Variants in SHOC1 observed in about 807,000 individuals in gnomAD.
SHOC1 encodes the protein shortage in chiasmata 1, also known as protein shortage in chiasmata 1 ortholog.
SHOC1 carries 136 observed loss-of-function variants against 179.2 expected under a neutral mutation model. That is an observed-to-expected ratio of 0.76 (90% CI 0.66 to 0.87). The LOEUF (loss-of-function observed/expected upper bound fraction) is 0.87. SHOC1 is among the 40% of genes least tolerant of loss of function. SHOC1 has a pLI of 0.00. For missense variants in SHOC1, 1,538 were observed against 1,700.8 expected, an observed-to-expected ratio of 0.90 and a Z score of 1.68; for synonymous variants, 489 against 586.6, an observed-to-expected ratio of 0.83 and a Z score of 2.41.
rs554245250 is a variant in SHOC1, at chr9:111,722,335, C to G, written c.2131+74G>C. ...TGGCTAATTTCTGAATCTTCTATACCCAATTTTTACTAATTTGATACAATA... is the reference window on the plus strand; with the variant it reads ...TGGCTAATTTCTGAATCTTCTATACGCAATTTTTACTAATTTGATACAATA... On this transcript the variant is annotated intron_variant, in intron 15 of 27. Coordinates refer to ENST00000682961, the MANE Select transcript of SHOC1 (RefSeq NM_001378211.1). The G allele has an allele frequency of 1.1e-5, 15 of 1,400,970 alleles. No individual in the cohort carries two copies. The Admixed American group carries it at 2.2e-4, about 21-fold the overall frequency. The allele number at this position is 1,400,970 out of a possible 1,614,324, so 86.8% of individuals were successfully genotyped here.
intron 5 of SHOC1, among the ~76,000 whole-genome samples, chr9:111,761,643 G>A (rs1359128027): frequency 6.6e-6 from 1 of 152,098 alleles, no homozygotes; most frequent in Non-Finnish European, 1.5e-5. Context: ...GAATTGGTTA[G>A]GTTCAAGTTA....
At chr9:111,709,502 A>G (rs1212289443) in intron 18 of SHOC1, among the ~76,000 whole-genome samples, 2 of 151,762 alleles carry the variant, frequency 1.3e-5, no homozygotes, top group Non-Finnish European at 2.9e-5. Context: ...GCAGAAAAAT[A>G]AAAGCCTTGC....
rs746497536 is a variant in SHOC1 at position 111,727,910 on chromosome 9, G to T, written c.1557C>A (p.Phe519Leu). Residue 519 changes from phenylalanine to leucine, a missense_variant, in exon 13 of 28, where the codon TTC becomes TTA. Transcript: ENST00000682961. Reference protein sequence around the residue: ...VPDLCFSDDYFSDKGAAKEEK... With the variant: ...VPDLCFSDDYLSDKGAAKEEK... Reference sequence around the variant, plus strand: ...CTTCTTTTGCTGCTCCTTTATCAGAGAAATAGTCATCAGAAAAACATAGAT... The same window carrying T: ...CTTCTTTTGCTGCTCCTTTATCAGATAAATAGTCATCAGAAAAACATAGAT... 1 of 1,613,460 alleles carries T rather than the reference G, an allele frequency of 6.2e-7. No homozygotes were observed. Among genetic ancestry groups the T allele is most frequent in the East Asian group, 2.2e-5 (1 of 44,774 alleles).
At chr9:111,733,085 A>G (rs1392831896) in intron 12 of SHOC1, among the ~76,000 whole-genome samples, 6 of 152,102 alleles carry the variant, frequency 3.9e-5, no homozygotes, top group African/African-American at 9.7e-5. Flanking sequence ...TTAATAAACC[A>G]TATCTGTGAG....
At chr9:111,792,944 C>G (rs1432433095) in intron 1 of SHOC1, among the ~76,000 whole-genome samples, 2 of 151,534 alleles carry the variant, frequency 1.3e-5, no homozygotes, top group African/African-American at 4.9e-5. Flanking sequence ...GTGCAGTGGC[C>G]GGATCTCAGC....
chr9:111,713,924 G>T (rs1832665322), intron 17 of SHOC1, among the ~76,000 whole-genome samples: 1 of 152,150 alleles, frequency 6.6e-6, no homozygotes, highest in South Asian at 2.1e-4. Flanking sequence ...CTATTATTAT[G>T]TATACGTTCA....
chr9:111,709,682 A>T (rs1189223749), intron 18 of SHOC1, among the ~76,000 whole-genome samples: 1 of 152,254 alleles, frequency 6.6e-6, no homozygotes, highest in Non-Finnish European at 1.5e-5. Flanking sequence ...TGAAACCCAG[A>T]TATGCGATAC....
intron 2 of SHOC1, among the ~76,000 whole-genome samples, chr9:111,790,553 C>CT (rs1050939963): frequency 1.3e-5 from 2 of 151,340 alleles, no homozygotes; most frequent in East Asian, 1.9e-4. Context: ...CCAAAAGTGG[C>CT]TTTTTTTTTG....
intron 20 of SHOC1, 41 bp from the exon 21 acceptor site, chr9:111,705,405 C>T: frequency 2.1e-6 from 2 of 948,358 alleles, no homozygotes; most frequent in Non-Finnish European, 3.0e-6. Context: ...CTTTTATTCT[C>T]ATCTCCCAGC....
At chr9:111,720,819 T>C (rs1833006731) in intron 15 of SHOC1, among the ~76,000 whole-genome samples, 2 of 152,252 alleles carry the variant, frequency 1.3e-5, no homozygotes, top group African/African-American at 4.8e-5. Context: ...TAAATGTCTC[T>C]AACTTTTCAA....
chr9:111,774,889 T>C (rs955107769), intron 5 of SHOC1, among the ~76,000 whole-genome samples: 68 of 152,174 alleles, frequency 4.5e-4, no homozygotes, highest in Non-Finnish European at 9.1e-4. Context: ...TAGGCTGTTA[T>C]ACATACAAGA....
intron 8 of SHOC1, among the ~76,000 whole-genome samples, chr9:111,751,506 G>A (rs922558333): frequency 6.6e-6 from 1 of 151,966 alleles, no homozygotes; most frequent in Admixed American, 6.6e-5. Flanking sequence ...TATAATACAT[G>A]TATTTCAATA....
At chr9:111,713,527 C>T (rs77134759) in intron 17 of SHOC1, among the ~76,000 whole-genome samples, 20,895 of 152,064 alleles carry the variant, frequency 0.14, 1,757 homozygotes, top group Non-Finnish European at 0.19. Context: ...TGCTACTTAC[C>T]ATTACAGTTT....
At chr9:111,794,540 T>C (rs2594353) in intron 1 of SHOC1, among the ~76,000 whole-genome samples, 124,559 of 152,132 alleles carry the variant, frequency 0.82, 51,181 homozygotes, top group East Asian at 0.92. Flanking sequence ...ACCGAGATCG[T>C]GCCACTGCAC....
chr9:111,708,738 A>G (rs1040519095), intron 18 of SHOC1, among the ~76,000 whole-genome samples: 8 of 152,172 alleles, frequency 5.3e-5, no homozygotes, highest in African/African-American at 1.7e-4. Context: ...TGCTTCTCAT[A>G]CTTTAAATTT....
At chr9:111,726,434 T>G (rs141695378) in intron 13 of SHOC1, among the ~76,000 whole-genome samples, 1 of 152,316 alleles carries the variant, frequency 6.6e-6, no homozygotes, top group Non-Finnish European at 1.5e-5. Flanking sequence ...GCCACCACAC[T>G]TGGCTAATTT....
chr9:111,783,519 T>C (rs1836154545), intron 3 of SHOC1: 1 of 152,208 alleles, frequency 6.6e-6, no homozygotes, highest in Non-Finnish European at 1.5e-5. Context: ...AATCATTTGA[T>C]TTTCCTATCT....
chr9:111,780,068 T>TATTA (rs1365141091), intron 4 of SHOC1, among the ~76,000 whole-genome samples: 11 of 152,242 alleles, frequency 7.2e-5, no homozygotes, highest in African/African-American at 2.4e-4. Flanking sequence ...GGTCATCCTA[T>TATTA]ATTACCATTT....
chr9:111,737,942 G>T, intron 12 of SHOC1: 1 of 293,942 alleles, frequency 3.4e-6, no homozygotes, highest in African/African-American at 2.2e-5. Context: ...CAAAATGCTG[G>T]TTTGCGTCTA....
Sources: gnomAD v4.1 joint callset for allele counts (sites outside exome capture counted in the v4.1 genomes callset) on GRCh38, gnomAD v4.1.1 for gene constraint, MANE v1.5 for transcripts, NCBI Gene and HGNC (gene_info 2026-07-23, HGNC 2026-07-21) for gene names.